The following ADTRP variants were observed in gnomAD, a reference collection of about 807,000 sequenced individuals.
ADTRP encodes androgen-dependent TFPI-regulating protein.
Under a neutral mutation model 27.0 loss-of-function variants are expected in ADTRP, and 20 were observed. That is an observed-to-expected ratio of 0.74 (90% CI 0.52 to 1.08). ADTRP has a LOEUF of 1.08. Among genes scored for constraint, ADTRP ranks in the 50% least tolerant of loss-of-function variants. ADTRP has a pLI of 0.00. For synonymous variants in ADTRP, 101 were observed against 105.2 expected (o/e 0.96, Z 0.25); for missense variants, 251 against 275.0 (o/e 0.91, Z 0.62).
At chr6:11,767,603 C>T (rs146574481) in intron 2 of ADTRP, 1,736 of 152,260 alleles carry the variant, frequency 0.011, 14 homozygotes, top group South Asian at 0.028. Context: ...TTCTAGCTAA[C>T]GAATGGAAAA....
intron 1 of ADTRP, chr6:11,769,979 C>T: frequency 6.5e-7 from 1 of 1,532,950 alleles, no homozygotes; most frequent in South Asian, 1.2e-5. Context: ...CGAGCCAAGT[C>T]CTATCATTAG....
rs141146378 is a variant in ADTRP, at chr6:11,759,138, C to T, written c.390+7136G>A. On this transcript the variant is annotated intron_variant, in intron 3 of 5. Coordinates refer to ENST00000414691, the MANE Select transcript of ADTRP (RefSeq NM_032744.4). The stretch of plus-strand genomic sequence containing the variant: ...CAAAGGGAGGCCTACTGTTCACTAG[C>T]GAGATGCCAAGCAATGTCTTTTGTT... Among the ~76,000 whole-genome samples the T allele has an allele frequency of 7.1e-3, 1,086 of 152,244 alleles. 16 individuals are homozygous for T. The highest frequency in any genetic ancestry group is 0.024 in the African/African-American group (1,016 of 41,528).
intron 3 of ADTRP, among the ~76,000 whole-genome samples, chr6:11,748,855 G>A (rs1259621975): frequency 6.6e-6 from 1 of 152,230 alleles, no homozygotes; most frequent in Non-Finnish European, 1.5e-5. Flanking sequence ...TGGAGTGCCA[G>A]GGGGAGAGAA....
chr6:11,758,580 G>C (rs1437555945), intron 3 of ADTRP, among the ~76,000 whole-genome samples: 1 of 118,554 alleles, frequency 8.4e-6, no homozygotes, highest in Non-Finnish European at 1.8e-5. Flanking sequence ...TGGGGTGGGG[G>C]GGGGGGACGG....
At chr6:11,755,178 A>ATT in intron 3 of ADTRP, 2 of 572,202 alleles carry the variant, frequency 3.5e-6, no homozygotes, top group Non-Finnish European at 4.4e-6. Context: ...TAATTACTAA[A>ATT]ATTCCTAGTA....
intron 3 of ADTRP, among the ~76,000 whole-genome samples, chr6:11,763,623 T>C (rs951640413): frequency 6.6e-6 from 1 of 152,212 alleles, no homozygotes; most frequent in Non-Finnish European, 1.5e-5. Flanking sequence ...CTTTGGACTG[T>C]CATGGACAGG....
intron 4 of ADTRP, among the ~76,000 whole-genome samples, chr6:11,733,046 A>G (rs1762436528): frequency 1.3e-5 from 2 of 152,178 alleles, no homozygotes; most frequent in Admixed American, 6.5e-5. Flanking sequence ...CCATATGACC[A>G]TGGGCATGTC....
chr6:11,737,454 G>A (rs1762587874), intron 3 of ADTRP, among the ~76,000 whole-genome samples: 1 of 152,180 alleles, frequency 6.6e-6, no homozygotes, highest in African/African-American at 2.4e-5. Context: ...CTGGCTCTGG[G>A]CAGTCTTTGC....
intron 1 of ADTRP, among the ~76,000 whole-genome samples, chr6:11,775,403 A>G (rs1430715436): frequency 1.3e-5 from 2 of 151,640 alleles, no homozygotes; most frequent in African/African-American, 4.9e-5. Flanking sequence ...TATTTGACAG[A>G]CGTGGAAATG....
chr6:11,776,290 TG>T (rs1561779765), intron 1 of ADTRP, among the ~76,000 whole-genome samples: 1 of 152,086 alleles, frequency 6.6e-6, no homozygotes, highest in African/African-American at 2.4e-5. Context: ...AGGGACTGCT[TG>T]AGGATGCAGA....
At chr6:11,715,181 T>A (rs1761770926) in intron 5 of ADTRP, among the ~76,000 whole-genome samples, 1 of 134,528 alleles carries the variant, frequency 7.4e-6, no homozygotes, top group Non-Finnish European at 1.5e-5. Flanking sequence ...ATACTGTCAA[T>A]GCTACTTTAA....
rs372536459 is a variant in ADTRP, at chr6:11,756,156, C to T, written c.390+10118G>A. Among the ~76,000 whole-genome samples, 10 of 152,126 alleles carry T rather than the reference C, an allele frequency of 6.6e-5. No homozygotes were observed. In the East Asian group the frequency reaches 1.2e-3, roughly 18 times the overall value. ...CTTTGTTAGGCTGAGGCAGGTGGGT[C>T]GCTTGAGCTCAGGAATTCAACATGG... is the stretch of plus-strand genomic sequence containing the variant. On this transcript the variant is annotated intron_variant, in intron 3 of 5. Transcript: ENST00000414691.
intron 3 of ADTRP, among the ~76,000 whole-genome samples, chr6:11,739,254 A>G (rs1762642338): frequency 2.0e-5 from 3 of 152,184 alleles, no homozygotes; most frequent in African/African-American, 7.2e-5. Context: ...GAGGGGGTAA[A>G]ATATTTCCTT....
At chr6:11,737,606 G>C (rs1300498733) in intron 3 of ADTRP, among the ~76,000 whole-genome samples, 2 of 152,188 alleles carry the variant, frequency 1.3e-5, no homozygotes, top group Non-Finnish European at 2.9e-5. Flanking sequence ...GGTGAGGCAG[G>C]AGCAGGGTGA....
At chr6:11,741,212 T>TAGTC (rs1762704763) in intron 3 of ADTRP, among the ~76,000 whole-genome samples, 1 of 152,070 alleles carries the variant, frequency 6.6e-6, no homozygotes, top group South Asian at 2.1e-4. Context: ...TGGCAAGGAG[T>TAGTC]AGTCATGTTT....
chr6:11,722,301 G>A (rs115407800), intron 5 of ADTRP, among the ~76,000 whole-genome samples: 356 of 152,202 alleles, frequency 2.3e-3, no homozygotes, highest in Non-Finnish European at 4.0e-3. Flanking sequence ...TCCAAGTTGC[G>A]TGCTTATTTC....
intron 3 of ADTRP, among the ~76,000 whole-genome samples, chr6:11,748,238 T>A (rs970757699): frequency 2.6e-5 from 4 of 152,182 alleles, no homozygotes; most frequent in African/African-American, 9.7e-5. Flanking sequence ...ACTTTCTGTA[T>A]AAAAGAACAC....
chr6:11,714,357 T>C lies in ADTRP; in HGVS notation c.*121A>G. ...ACCTCTTATTAAATTTAAGTATCAC[T>C]CTCTGTCCCTCCTACTTTGCTATGT... On this transcript the variant is annotated 3_prime_UTR_variant, in exon 6 of 6. Coordinates refer to ENST00000414691, the MANE Select transcript of ADTRP (RefSeq NM_032744.4). The C allele has an allele frequency of 8.9e-7, 1 of 1,129,674 alleles. No individual in the cohort carries two copies. Among genetic ancestry groups the C allele is most frequent in the Non-Finnish European group, 1.3e-6 (1 of 783,898 alleles). The allele number at this position is 1,129,674 out of a possible 1,614,324, so 70.0% of individuals were successfully genotyped here.
intron 3 of ADTRP, among the ~76,000 whole-genome samples, chr6:11,740,447 C>A (rs762003229): frequency 9.2e-5 from 14 of 152,098 alleles, no homozygotes; most frequent in Admixed American, 4.6e-4. Flanking sequence ...AAACACATGA[C>A]CAAAATATCA....
Sources: gnomAD v4.1 joint callset for allele counts (sites outside exome capture counted in the v4.1 genomes callset) on GRCh38, gnomAD v4.1.1 for gene constraint, MANE v1.5 for transcripts, NCBI Gene and HGNC (gene_info 2026-07-23, HGNC 2026-07-21) for gene names.